CCSER1: variants seen among roughly 807,000 people sequenced by gnomAD.
CCSER1 encodes serine-rich coiled-coil domain-containing protein 1.
A neutral mutation model predicts 82.0 loss-of-function variants in CCSER1; 41 were observed. The observed-to-expected ratio is 0.50, with a 90% CI of 0.39 to 0.65. CCSER1 has a LOEUF of 0.65. Among genes scored for constraint, CCSER1 ranks in the 30% least tolerant of loss-of-function variants. CCSER1 has a pLI of 0.00. For missense variants in CCSER1, 1,119 were observed against 1,064.2 expected (o/e 1.05, Z -0.72); for synonymous variants, 414 against 383.9 (o/e 1.08, Z -0.92).
chr4:91,173,804 A>C (rs185919855), intron 10 of CCSER1, among the ~76,000 whole-genome samples: 1 of 152,246 alleles, frequency 6.6e-6, no homozygotes, highest in Admixed American at 6.5e-5. Context: ...AAAAGGATGA[A>C]AACAGAAGAA....
chr4:91,494,682 G>A (rs558169404), intron 10 of CCSER1, among the ~76,000 whole-genome samples: 3 of 151,608 alleles, frequency 2.0e-5, no homozygotes, highest in African/African-American at 4.8e-5. Flanking sequence ...TAACATGGAG[G>A]AGGTTTATTT....
intron 4 of CCSER1, among the ~76,000 whole-genome samples, chr4:90,461,765 G>T (rs1238298950): frequency 6.6e-6 from 1 of 152,130 alleles, no homozygotes; most frequent in Non-Finnish European, 1.5e-5. Flanking sequence ...CTAAGTAACA[G>T]GAGTGAACAA....
chr4:91,222,350 G>T (rs773674590), intron 10 of CCSER1, among the ~76,000 whole-genome samples: 18 of 151,998 alleles, frequency 1.2e-4, no homozygotes, highest in East Asian at 1.9e-4. Context: ...ATCTTAAAAT[G>T]CCCCCCTTTT....
At chr4:90,450,814 G>T (rs1333066616) in intron 4 of CCSER1, among the ~76,000 whole-genome samples, 2 of 152,170 alleles carry the variant, frequency 1.3e-5, no homozygotes, top group Non-Finnish European at 2.9e-5. Flanking sequence ...TTATTCATGC[G>T]ATTGGGCCTC....
At chr4:91,421,864 G>A (rs1753701737) in intron 10 of CCSER1, among the ~76,000 whole-genome samples, 1 of 150,334 alleles carries the variant, frequency 6.7e-6, no homozygotes, top group African/African-American at 2.4e-5. Context: ...GGTAAGCTGA[G>A]GCAACTGAAG....
chr4:90,172,766 G>A (rs1343496763), intron 1 of CCSER1, among the ~76,000 whole-genome samples: 1 of 151,814 alleles, frequency 6.6e-6, no homozygotes, highest in Non-Finnish European at 1.5e-5. Context: ...TGAAAGTCAT[G>A]CGTACTAGCT....
At chr4:90,404,555 A>G (rs1035798695) in intron 4 of CCSER1, among the ~76,000 whole-genome samples, 2 of 152,296 alleles carry the variant, frequency 1.3e-5, no homozygotes, top group East Asian at 3.9e-4. Context: ...GAGGCTGACC[A>G]ACACAAAACC....
intron 8 of CCSER1, among the ~76,000 whole-genome samples, chr4:90,840,435 A>C (rs1762441915): frequency 6.6e-6 from 1 of 152,204 alleles, no homozygotes; most frequent in African/African-American, 2.4e-5. Flanking sequence ...ATCCTTGAAG[A>C]ACTTTCCTAC....
At chr4:90,363,787 TC>T (rs1387882540) in intron 3 of CCSER1, among the ~76,000 whole-genome samples, 1 of 152,068 alleles carries the variant, frequency 6.6e-6, no homozygotes, top group Non-Finnish European at 1.5e-5. Flanking sequence ...ATTTTCCCAC[TC>T]ATTATTAGAG....
At chr4:90,165,991 A>T (rs1191644042) in intron 1 of CCSER1, among the ~76,000 whole-genome samples, 1 of 152,048 alleles carries the variant, frequency 6.6e-6, no homozygotes, top group African/African-American at 2.4e-5. Flanking sequence ...GTTCACATGT[A>T]TAACTCATAT....
intron 5 of CCSER1, among the ~76,000 whole-genome samples, chr4:90,530,526 A>C (rs182523905): frequency 6.6e-6 from 1 of 152,282 alleles, no homozygotes; most frequent in African/African-American, 2.4e-5. Flanking sequence ...TGGGGCTGCT[A>C]TCTTTATGGG....
chr4:90,319,798 A>G (rs1199172791), intron 3 of CCSER1, among the ~76,000 whole-genome samples: 1 of 152,194 alleles, frequency 6.6e-6, no homozygotes, highest in African/African-American at 2.4e-5. Flanking sequence ...CTGACTGTTA[A>G]TAGAATTAAA....
intron 7 of CCSER1, among the ~76,000 whole-genome samples, chr4:90,732,501 A>G (rs188000911): frequency 6.6e-6 from 1 of 152,302 alleles, no homozygotes; most frequent in Admixed American, 6.5e-5. Context: ...CCTAGTGTAT[A>G]TCCATATTCT....
At chr4:91,236,441 C>T (rs1287462641) in intron 10 of CCSER1, among the ~76,000 whole-genome samples, 4 of 152,224 alleles carry the variant, frequency 2.6e-5, no homozygotes, top group Non-Finnish European at 4.4e-5. Context: ...CGAGATCACA[C>T]CACTGCACTC....
At chr4:90,835,621 A>AT (rs543331180) in intron 8 of CCSER1, among the ~76,000 whole-genome samples, 278 of 149,760 alleles carry the variant, frequency 1.9e-3, no homozygotes, top group African/African-American at 5.5e-3. Context: ...GTTGCAAGAC[A>AT]TTTTTTTTTT....
intron 10 of CCSER1, among the ~76,000 whole-genome samples, chr4:91,335,163 G>C (rs865784686): frequency 7.2e-5 from 11 of 152,120 alleles, no homozygotes; most frequent in Non-Finnish European, 1.2e-4. Context: ...GTCAGCCAAT[G>C]GTAAACCAGC....
chr4:90,159,387 G>T lies in CCSER1; in HGVS notation c.-42+31556G>T, dbSNP rs1229694109. Among the ~76,000 whole-genome samples the T allele has an allele frequency of 2.0e-5, 3 of 152,116 alleles. No homozygotes were observed. The East Asian group carries it at 5.8e-4, about 29-fold the overall frequency. ...AAAAAATATATTGCAGTTGAATCAT[G>T]ATTTTTGGCTTCAGTACCTCGATGA... On this transcript the variant is annotated intron_variant, in intron 1 of 10. Transcript: ENST00000509176.
intron 8 of CCSER1, among the ~76,000 whole-genome samples, chr4:90,851,219 C>T (rs1028113375): frequency 6.6e-6 from 1 of 152,122 alleles, no homozygotes; most frequent in Non-Finnish European, 1.5e-5. Flanking sequence ...ATCATGAGAA[C>T]AGACTAATAC....
intron 6 of CCSER1, among the ~76,000 whole-genome samples, chr4:90,713,454 G>A (rs62314443): frequency 0.45 from 68,384 of 151,654 alleles, 16,076 homozygotes; most frequent in African/African-American, 0.58. Flanking sequence ...TTTCCTTAAG[G>A]ATGCTGAATA....
Sources: allele counts gnomAD v4.1 joint callset (sites outside exome capture counted in the v4.1 genomes callset), GRCh38; gene constraint gnomAD v4.1.1; transcripts MANE v1.5; gene names NCBI Gene and HGNC (gene_info 2026-07-23, HGNC 2026-07-21).